ARHGEF11: variants seen among roughly 807,000 people sequenced by gnomAD.
ARHGEF11 encodes Rho guanine nucleotide exchange factor 11.
Under a neutral mutation model 193.7 loss-of-function variants are expected in ARHGEF11, and 55 were observed. The ratio of observed to expected loss-of-function variants is 0.28; its 90% CI spans 0.23 to 0.36. ARHGEF11 has a LOEUF of 0.36. ARHGEF11 is among the 10% of genes least tolerant of loss of function. ARHGEF11 has a pLI of 1.00. For synonymous variants in ARHGEF11, 693 were observed against 768.0 expected (o/e 0.90, Z 1.62); for missense variants, 1,723 against 2,005.6 (o/e 0.86, Z 2.69).
At chr1:157,033,306 T>C (rs1196562174) in intron 1 of ARHGEF11, among the ~76,000 whole-genome samples, 2 of 152,128 alleles carry the variant, frequency 1.3e-5, no homozygotes, top group East Asian at 1.9e-4. Context: ...GGTAAGGGTA[T>C]CATCCTTGCC....
chr1:157,036,140 AAT>A (rs1184888565), intron 1 of ARHGEF11, among the ~76,000 whole-genome samples: 1 of 141,698 alleles, frequency 7.1e-6, no homozygotes, highest in African/African-American at 2.5e-5. Flanking sequence ...TATATATATG[AAT>A]ATATGAATAC....
chr1:156,983,921 TTGGACCATTG>T (rs1334744988), intron 3 of ARHGEF11, among the ~76,000 whole-genome samples: 1 of 152,222 alleles, frequency 6.6e-6, no homozygotes, highest in Non-Finnish European at 1.5e-5. Context: ...CTGTAATCAT[TTGGACCATTG>T]TGCCTGTCTC....
Position 156,961,672 on chromosome 1 carries a change from C to A in ARHGEF11, c.1239+5G>T. The stretch of plus-strand genomic sequence containing the variant: ...AAATTATAATCCAATCTATGACTGC[C>A]TTACCGCATTTTTCTCCAGGAAAAT... On this transcript the variant is annotated splice_donor_5th_base_variant and intron_variant, in intron 14 of 40. Transcript: ENST00000368194. The A allele has an allele frequency of 6.2e-7, 1 of 1,613,236 alleles. No individual in the cohort carries two copies. Among genetic ancestry groups the A allele is most frequent in the South Asian group, 1.1e-5 (1 of 91,058 alleles).
intron 4 of ARHGEF11, among the ~76,000 whole-genome samples, chr1:156,979,674 T>C (rs1311749111): frequency 1.3e-5 from 2 of 152,168 alleles, no homozygotes; most frequent in Non-Finnish European, 2.9e-5. Context: ...CAAAATGCCA[T>C]GTTTTTAGGA....
rs1659116592 is a variant in ARHGEF11 at position 156,951,612 on chromosome 1, GAGAGT to G, written c.1881_1885del (p.Leu628AspfsTer6). ...CAGGTCCTCAGGAAAGCTTCCGGTC[GAGAGT>G]CGTTGTGTCCCAGGTTCTGGGGCAT... On this transcript the variant is annotated frameshift_variant, in exon 22 of 41. Transcript: ENST00000368194. LOFTEE classifies it high-confidence loss of function. The G allele has an allele frequency of 6.2e-7, 1 of 1,614,074 alleles. No individual in the cohort carries two copies. The highest frequency in any genetic ancestry group is 8.5e-7 in the Non-Finnish European group (1 of 1,180,048).
chr1:156,939,184 G>T, intron 37 of ARHGEF11: 1 of 296,930 alleles, frequency 3.4e-6, no homozygotes, highest in South Asian at 3.4e-5. Context: ...CTCCTGAGAA[G>T]AGTGGCTCTT....
chr1:156,949,132 T>C lies in ARHGEF11; in HGVS notation c.1926-634A>G, dbSNP rs1658685172. On this transcript the variant is annotated intron_variant, in intron 22 of 40. Transcript: ENST00000368194. ...ATTCTTATCTTAACAATACTGTTCC[T>C]AAGATTCCATTTCCTCTCAAGAGCA... 4 of 984,480 alleles carry C rather than the reference T, an allele frequency of 4.1e-6. No individual in the cohort carries two copies. In the South Asian group the frequency reaches 1.9e-4, roughly 46 times the overall value. 61.0% of individuals were successfully genotyped at this position (984,480 alleles called of 1,614,324 possible). A position where few individuals can be genotyped will look rare whatever the true frequency, so the allele number is the denominator to read the frequency against.
intron 21 of ARHGEF11, among the ~76,000 whole-genome samples, chr1:156,954,133 A>G (rs1249325683): frequency 1.3e-5 from 2 of 151,502 alleles, no homozygotes; most frequent in Non-Finnish European, 3.0e-5. Flanking sequence ...TAATCCCAGC[A>G]CTCTCGGAGG....
chr1:156,952,140 GTTCT>G (rs1248178826), intron 21 of ARHGEF11, among the ~76,000 whole-genome samples: 1 of 152,086 alleles, frequency 6.6e-6, no homozygotes, highest in African/African-American at 2.4e-5. Flanking sequence ...GAATTTTAGA[GTTCT>G]TTATTTGTTT....
At chr1:156,959,929 CCCT>C (rs1238076072) in intron 15 of ARHGEF11, among the ~76,000 whole-genome samples, 2 of 51,306 alleles carry the variant, frequency 3.9e-5, no homozygotes, top group Admixed American at 1.9e-4. Context: ...AAATAACCCC[CCCT>C]CCCCCCCCCC....
intron 15 of ARHGEF11, 47 bp from the exon 16 acceptor site, chr1:156,959,189 T>C: frequency 6.5e-7 from 1 of 1,538,704 alleles, no homozygotes; most frequent in Non-Finnish European, 9.0e-7. Context: ...GTACTGGGGG[T>C]GGAGGGGGAT....
chr1:156,948,048 A>G lies in ARHGEF11; in HGVS notation c.2154-92T>C, dbSNP rs556436927. ...CTCTCCTGCCCGACCTGCTTGCCCC[A>G]TGCACATGGGAAACCAGTGGGCCCA... On this transcript the variant is annotated intron_variant, in intron 24 of 40. Transcript: ENST00000368194. This position sits in a 1 kb window ranked among gnomAD's most constrained non-coding sequence, Gnocchi z 4.2. 1.3e-6 allele frequency: 2 copies of G among 1,550,458 alleles called. No individual in the cohort carries two copies. Among genetic ancestry groups the G allele is most frequent in the East Asian group, 2.3e-5 (1 of 43,550 alleles).
chr1:157,015,633 C>A (rs1336012449), intron 1 of ARHGEF11, among the ~76,000 whole-genome samples: 1 of 152,218 alleles, frequency 6.6e-6, no homozygotes, highest in Non-Finnish European at 1.5e-5. Flanking sequence ...CATAATTACA[C>A]TCTAGGTCCT....
At chr1:157,013,888 G>A (rs1028944901) in intron 1 of ARHGEF11, among the ~76,000 whole-genome samples, 2 of 152,066 alleles carry the variant, frequency 1.3e-5, no homozygotes, top group Non-Finnish European at 2.9e-5. Flanking sequence ...GATCACCTAC[G>A]GCAGCAGTCC....
intron 40 of ARHGEF11, among the ~76,000 whole-genome samples, chr1:156,936,500 AT>A (rs1557807563): frequency 3.1e-4 from 31 of 101,430 alleles, no homozygotes; most frequent in African/African-American, 5.6e-4. Flanking sequence ...AAAAAAAAAT[AT>A]ATATATATAT....
At chr1:156,967,907 A>G in intron 11 of ARHGEF11, 80 bp downstream of exon 11, 1 of 1,602,208 alleles carries the variant, frequency 6.2e-7, no homozygotes, top group Non-Finnish European at 8.5e-7. Flanking sequence ...ATGATCCAAG[A>G]CGATGTACTG....
intron 1 of ARHGEF11, among the ~76,000 whole-genome samples, chr1:157,013,295 A>ACACACACACACACACACACACACC (rs1557952661): frequency 1.7e-4 from 26 of 149,926 alleles, no homozygotes; most frequent in South Asian, 4.3e-4. Context: ...ACACACACAC[A>ACACACACACACACACACACACACC]CACACCAAGA....
At chr1:157,021,118 G>A (rs1355660618) in intron 1 of ARHGEF11, among the ~76,000 whole-genome samples, 1 of 152,214 alleles carries the variant, frequency 6.6e-6, no homozygotes, top group Non-Finnish European at 1.5e-5. Context: ...CATGCCAGTT[G>A]CTCTGTAGGA....
Position 156,981,959 on chromosome 1 carries a change from A to G in ARHGEF11, c.224-1473T>C, listed in dbSNP as rs1664245706. Among the ~76,000 whole-genome samples, 3 of 152,252 alleles carry G rather than the reference A, an allele frequency of 2.0e-5. No homozygotes were observed. In the South Asian group the frequency reaches 6.2e-4, roughly 31 times the overall value. On this transcript the variant is annotated intron_variant, in intron 3 of 40. Transcript: ENST00000368194. ...TCAAAACAAAACTCCCACAAAGCCC[A>G]TCTAAATGTTTCTACTCTAAAAAGA...
Sources: gnomAD v4.1 joint callset for allele counts (sites outside exome capture counted in the v4.1 genomes callset) on GRCh38, gnomAD v4.1.1 for gene constraint, Gnocchi (gnomAD v3.1) non-coding constraint, MANE v1.5 for transcripts, NCBI Gene and HGNC (gene_info 2026-07-23, HGNC 2026-07-21) for gene names.